CCSER1: variants seen among roughly 807,000 people sequenced by gnomAD.
The protein encoded by CCSER1 is serine-rich coiled-coil domain-containing protein 1.
In CCSER1, 41 loss-of-function variants were observed where a neutral mutation model predicts 82.0. That is an observed-to-expected ratio of 0.50 (90% CI 0.39 to 0.65). The LOEUF is 0.65. Ranked by LOEUF, CCSER1 falls within the 30% of genes least tolerant of loss-of-function variation. The probability of loss-of-function intolerance (pLI) is 0.00; values close to 1 mark genes in which losing one functional copy is unlikely to be tolerated. For missense variants in CCSER1, 1,119 were observed against 1,064.2 expected (o/e 1.05, Z -0.72); for synonymous variants, 414 against 383.9 (o/e 1.08, Z -0.92).
At chr4:90,184,604 A>G (rs764273793) in intron 1 of CCSER1, among the ~76,000 whole-genome samples, 3 of 152,106 alleles carry the variant, frequency 2.0e-5, no homozygotes, top group Non-Finnish European at 4.4e-5. Flanking sequence ...GCTACATTTT[A>G]AACATACAAC....
intron 9 of CCSER1, among the ~76,000 whole-genome samples, chr4:90,984,041 G>A (rs1427697735): frequency 6.6e-6 from 1 of 151,708 alleles, no homozygotes; most frequent in Non-Finnish European, 1.5e-5. Context: ...TGGGCACAAT[G>A]CCTTCCTCAT....
chr4:91,424,492 G>C (rs965642810), intron 10 of CCSER1, among the ~76,000 whole-genome samples: 1 of 152,048 alleles, frequency 6.6e-6, no homozygotes, highest in Non-Finnish European at 1.5e-5. Context: ...TTATTCCACT[G>C]TTTTACAACC....
At chr4:90,479,711 CT>C (rs1237821864) in intron 5 of CCSER1, among the ~76,000 whole-genome samples, 1 of 152,104 alleles carries the variant, frequency 6.6e-6, no homozygotes, top group East Asian at 1.9e-4. Flanking sequence ...TGAACTCATC[CT>C]TTTTTATGGC....
intron 9 of CCSER1, among the ~76,000 whole-genome samples, chr4:91,016,323 A>C (rs2150514636): frequency 6.6e-6 from 1 of 152,142 alleles, no homozygotes; most frequent in Non-Finnish European, 1.5e-5. Flanking sequence ...TTCTGAATGT[A>C]TCGGCAGAAT....
chr4:90,685,583 A>G (rs763886956), intron 6 of CCSER1, among the ~76,000 whole-genome samples: 1 of 152,090 alleles, frequency 6.6e-6, no homozygotes, highest in Admixed American at 6.5e-5. Context: ...GAAAACACAG[A>G]CATATGTAAG....
At chr4:91,562,815 T>C (rs1762715423) in intron 10 of CCSER1, among the ~76,000 whole-genome samples, 1 of 151,546 alleles carries the variant, frequency 6.6e-6, no homozygotes, top group Non-Finnish European at 1.5e-5. Context: ...AAAGAGGAAA[T>C]ATTTGATGTG....
At chr4:91,379,795 G>C (rs1578314433) in intron 10 of CCSER1, among the ~76,000 whole-genome samples, 1 of 152,152 alleles carries the variant, frequency 6.6e-6, no homozygotes, top group Non-Finnish European at 1.5e-5. Context: ...GCTAGATTTT[G>C]AATGTGTTTG....
intron 10 of CCSER1, among the ~76,000 whole-genome samples, chr4:91,342,686 C>A (rs1242945588): frequency 2.0e-5 from 3 of 152,042 alleles, no homozygotes; most frequent in African/African-American, 7.2e-5. Flanking sequence ...TTCCTGACTC[C>A]AGGAACAGTT....
intron 1 of CCSER1, among the ~76,000 whole-genome samples, chr4:90,201,559 T>A (rs1385542509): frequency 6.7e-6 from 1 of 149,618 alleles, no homozygotes; most frequent in African/African-American, 2.4e-5. Flanking sequence ...TAATTTAACA[T>A]AATATAAAAT....
intron 10 of CCSER1, among the ~76,000 whole-genome samples, chr4:91,515,278 A>G (rs1277282900): frequency 6.6e-6 from 1 of 151,822 alleles, no homozygotes; most frequent in Non-Finnish European, 1.5e-5. Flanking sequence ...GTCATGGGGG[A>G]TTGGTGTACA....
chr4:90,334,417 A>G (rs1311978647), intron 3 of CCSER1, among the ~76,000 whole-genome samples: 1 of 152,058 alleles, frequency 6.6e-6, no homozygotes, highest in Non-Finnish European at 1.5e-5. Flanking sequence ...TTATGTGGCT[A>G]TAGGTTAGAG....
chr4:90,837,618 G>A (rs1399754070), intron 8 of CCSER1, among the ~76,000 whole-genome samples: 1 of 151,990 alleles, frequency 6.6e-6, no homozygotes, highest in Admixed American at 6.6e-5. Flanking sequence ...ATTATACTAT[G>A]TAAAATAAGT....
intron 9 of CCSER1, among the ~76,000 whole-genome samples, chr4:91,034,550 C>G (rs989357694): frequency 2.0e-5 from 3 of 148,964 alleles, no homozygotes; most frequent in Non-Finnish European, 4.5e-5. Flanking sequence ...TACACCCCCC[C>G]CAATTGAAGC....
intron 3 of CCSER1, among the ~76,000 whole-genome samples, chr4:90,397,230 C>A (rs1311653653): frequency 6.6e-6 from 1 of 152,054 alleles, no homozygotes; most frequent in Non-Finnish European, 1.5e-5. Flanking sequence ...CCCTGCTAGT[C>A]CAAGTGTCAA....
chr4:91,462,753 G>T (rs181677208), intron 10 of CCSER1, among the ~76,000 whole-genome samples: 1,777 of 152,238 alleles, frequency 0.012, 33 homozygotes, highest in African/African-American at 0.041. Flanking sequence ...ACGGAGCCTC[G>T]CTCATTGCTA....
intron 10 of CCSER1, among the ~76,000 whole-genome samples, chr4:91,514,483 A>C (rs1759993897): frequency 6.6e-6 from 1 of 152,180 alleles, no homozygotes; most frequent in Non-Finnish European, 1.5e-5. Context: ...CAAGTGGCAT[A>C]TTTAAGTGCA....
chr4:90,756,537 G>T (rs1162956174), intron 7 of CCSER1, among the ~76,000 whole-genome samples: 2 of 152,126 alleles, frequency 1.3e-5, no homozygotes, highest in East Asian at 3.9e-4. Flanking sequence ...GCTCACTATA[G>T]ATTTGTGTTT....
At chr4:90,860,037 C>T (rs1303080720) in intron 8 of CCSER1, among the ~76,000 whole-genome samples, 2 of 151,426 alleles carry the variant, frequency 1.3e-5, no homozygotes, top group Non-Finnish European at 3.0e-5. Flanking sequence ...AACTTTTTGG[C>T]ATTAAAGATG....
chr4:90,876,109 A>AT (rs1425453675), intron 8 of CCSER1, among the ~76,000 whole-genome samples: 4 of 152,156 alleles, frequency 2.6e-5, no homozygotes, highest in Admixed American at 2.0e-4. Flanking sequence ...GAGAAGAAAG[A>AT]TAAAAAATGA....
Sources: gnomAD v4.1 joint callset for allele counts (sites outside exome capture counted in the v4.1 genomes callset) on GRCh38, gnomAD v4.1.1 for gene constraint, MANE v1.5 for transcripts, NCBI Gene and HGNC (gene_info 2026-07-23, HGNC 2026-07-21) for gene names.